Variants in PRKG1 observed in about 807,000 individuals in gnomAD.
The protein encoded by PRKG1 is cGMP-dependent protein kinase 1.
In PRKG1, 35 loss-of-function variants were observed where a neutral mutation model predicts 88.1. The ratio of observed to expected loss-of-function variants is 0.40; its 90% CI spans 0.30 to 0.53. PRKG1 has a LOEUF of 0.53. Ranked by LOEUF, PRKG1 falls within the 20% of genes least tolerant of loss-of-function variation. PRKG1 has a pLI of 0.59. For synonymous variants in PRKG1, 303 were observed against 292.5 expected (o/e 1.04, Z -0.37); for missense variants, 540 against 839.8 (o/e 0.64, Z 4.41).
chr10:51,355,575 A>T (rs1272703442), intron 2 of PRKG1, among the ~76,000 whole-genome samples: 1 of 152,082 alleles, frequency 6.6e-6, no homozygotes, highest in Non-Finnish European at 1.5e-5. Flanking sequence ...TAATAGCCAC[A>T]GTGAAGATGT....
At chr10:51,697,673 T>A in intron 3 of PRKG1, 1 of 1,609,686 alleles carries the variant, frequency 6.2e-7, no homozygotes, top group Non-Finnish European at 8.5e-7. Flanking sequence ...AATTTGAGAC[T>A]ACAGCCAAAT....
rs561785829 is a variant in PRKG1 at position 51,557,959 on chromosome 10, G to A, written c.592+90123G>A. 2.0e-5 allele frequency among the ~76,000 whole-genome samples: 3 copies of A among 152,208 alleles called. No individual in the cohort carries two copies. The South Asian group carries it at 6.2e-4, about 32-fold the overall frequency. ...ATAGAAATATTGGATTCAATATGCA[G>A]TTTTCAATTTCCAATCAAGGTTTCT... is the stretch of plus-strand genomic sequence containing the variant. On this transcript the variant is annotated intron_variant, in intron 3 of 17. Coordinates refer to ENST00000373980, the MANE Select transcript of PRKG1 (RefSeq NM_006258.4).
intron 5 of PRKG1, among the ~76,000 whole-genome samples, chr10:51,954,106 T>A (rs916505996): frequency 6.6e-6 from 1 of 152,144 alleles, no homozygotes; most frequent in Non-Finnish European, 1.5e-5. Flanking sequence ...AGTGCATAAA[T>A]GTAGTTATAT....
intron 1 of PRKG1, among the ~76,000 whole-genome samples, chr10:51,139,586 A>T (rs1432994656): frequency 6.6e-6 from 1 of 152,204 alleles, no homozygotes; most frequent in African/African-American, 2.4e-5. Flanking sequence ...ATGTCTATTC[A>T]GTTGCTCAAG....
chr10:51,378,021 G>A (rs900312020), intron 2 of PRKG1, among the ~76,000 whole-genome samples: 4 of 152,370 alleles, frequency 2.6e-5, no homozygotes, highest in African/African-American at 9.6e-5. Context: ...AGAGCACTGA[G>A]TGGCACAGTA....
At chr10:51,967,999 G>A (rs1039912665) in intron 5 of PRKG1, among the ~76,000 whole-genome samples, 5 of 152,292 alleles carry the variant, frequency 3.3e-5, no homozygotes, top group African/African-American at 7.2e-5. Context: ...TGGAGAAAGC[G>A]TTACAGAAGC....
chr10:51,547,256 A>G (rs1018201068), intron 3 of PRKG1, among the ~76,000 whole-genome samples: 22 of 152,258 alleles, frequency 1.4e-4, no homozygotes, highest in Non-Finnish European at 3.1e-4. Flanking sequence ...TTTCCCTATC[A>G]GTAAGAACTT....
chr10:51,417,056 C>T, intron 2 of PRKG1, among the ~76,000 whole-genome samples: 1 of 152,144 alleles, frequency 6.6e-6, no homozygotes, highest in East Asian at 1.9e-4. Flanking sequence ...TTTTAAATAA[C>T]TTATCAATAT....
chr10:51,324,571 C>CAAAAA (rs34429733), intron 2 of PRKG1, among the ~76,000 whole-genome samples: 1 of 84,446 alleles, frequency 1.2e-5, no homozygotes, highest in Admixed American at 1.3e-4. Flanking sequence ...ACTAAAAATA[C>CAAAAA]AAAAAAAAAA....
intron 1 of PRKG1, among the ~76,000 whole-genome samples, chr10:51,014,251 C>T (rs1335293368): frequency 6.6e-6 from 1 of 151,722 alleles, no homozygotes; most frequent in African/African-American, 2.4e-5. Flanking sequence ...GCTTTAGGCT[C>T]ACTGATTCCC....
intron 2 of PRKG1, among the ~76,000 whole-genome samples, chr10:51,335,746 A>G (rs530594219): frequency 1.3e-5 from 2 of 152,128 alleles, no homozygotes; most frequent in African/African-American, 4.8e-5. Flanking sequence ...CAGAGCTGTC[A>G]CCTTACTTTC....
chr10:51,175,956 A>G (rs990860011), intron 2 of PRKG1, among the ~76,000 whole-genome samples: 1 of 152,162 alleles, frequency 6.6e-6, no homozygotes, highest in African/African-American at 2.4e-5. Flanking sequence ...GTACCCAGAA[A>G]ATATTTATTG....
intron 4 of PRKG1, among the ~76,000 whole-genome samples, chr10:51,810,777 A>C (rs1839436058): frequency 6.6e-6 from 1 of 152,180 alleles, no homozygotes; most frequent in South Asian, 2.1e-4. Flanking sequence ...TTGACTAGGA[A>C]GTCAATTTTA....
At chr10:51,869,543 G>A (rs1250684602) in intron 4 of PRKG1, among the ~76,000 whole-genome samples, 1 of 152,038 alleles carries the variant, frequency 6.6e-6, no homozygotes, top group Non-Finnish European at 1.5e-5. Context: ...TCCAGCCCTT[G>A]AACTCAAAGA....
Position 51,812,098 on chromosome 10 carries a change from A to G in PRKG1, c.698+7408A>G, listed in dbSNP as rs566400647. On this transcript the variant is annotated intron_variant, in intron 4 of 17. Transcript: ENST00000373980. ...TTTTGACTGTGAATTTTAAATCATT[A>G]TAACTAGGCTCAAACACATCTTTAT... Among the ~76,000 whole-genome samples the G allele has an allele frequency of 8.4e-4, 128 of 152,364 alleles. 5 individuals are homozygous for G. The South Asian group carries it at 0.025, about 30-fold the overall frequency.
At chr10:52,244,775 TA>T (rs1840967831) in intron 9 of PRKG1, among the ~76,000 whole-genome samples, 1 of 143,070 alleles carries the variant, frequency 7.0e-6, no homozygotes, top group Non-Finnish European at 1.5e-5. Flanking sequence ...TTTAAATATA[TA>T]CCTTAATATA....
Position 51,542,852 on chromosome 10 carries a change from C to G in PRKG1, c.592+75016C>G, listed in dbSNP as rs551361427. On this transcript the variant is annotated intron_variant, in intron 3 of 17. Transcript: ENST00000373980. ...TATGTAGCCTATCTGGACCTCTTACCACGTCTATAATAAAAGATTAGATTA... is the reference window on the plus strand; with the variant it reads ...TATGTAGCCTATCTGGACCTCTTACGACGTCTATAATAAAAGATTAGATTA... Among the ~76,000 whole-genome samples, 24 of 152,216 alleles carry G rather than the reference C, an allele frequency of 1.6e-4. No individual in the cohort carries two copies. In the South Asian group the frequency reaches 4.6e-3, roughly 29 times the overall value.
chr10:52,274,670 A>G (rs185332701), intron 12 of PRKG1, among the ~76,000 whole-genome samples: 1 of 152,026 alleles, frequency 6.6e-6, no homozygotes, highest in Admixed American at 6.6e-5. Flanking sequence ...TATAAACATG[A>G]GTATGCAAGT....
At chr10:51,678,944 G>A (rs1316739069) in intron 3 of PRKG1, among the ~76,000 whole-genome samples, 2 of 151,980 alleles carry the variant, frequency 1.3e-5, no homozygotes, top group Non-Finnish European at 2.9e-5. Context: ...TAATCTGAGT[G>A]GTCTCCTAAT....
Sources: gnomAD v4.1 joint callset for allele counts (sites outside exome capture counted in the v4.1 genomes callset) on GRCh38, gnomAD v4.1.1 for gene constraint, MANE v1.5 for transcripts, NCBI Gene and HGNC (gene_info 2026-07-23, HGNC 2026-07-21) for gene names.